FEM1A: variants seen among roughly 807,000 people sequenced by gnomAD.
FEM1A encodes fem-1 homolog A, also known as protein fem-1 homolog A.
Under a neutral mutation model 0.7 loss-of-function variants are expected in FEM1A, and 1 was observed. The observed-to-expected ratio is 1.35, with a 90% confidence interval of 0.48 to 6.40. The LOEUF (loss-of-function observed/expected upper bound fraction) is 6.40. Ranked by LOEUF, FEM1A falls within the 30% of genes most tolerant of loss-of-function variation. FEM1A has a pLI of 0.14. For missense variants in FEM1A, 721 were observed against 918.7 expected, an observed-to-expected ratio of 0.78 and a Z score of 2.78; for synonymous variants, 391 against 420.6, an observed-to-expected ratio of 0.93 and a Z score of 0.86.
rs998358285 is a variant in FEM1A at position 4,795,019 on chromosome 19, A to C, written c.*1155A>C. ...TGCTCCAAGGATTGAGACCCAAGTC[A>C]TCATGAAAAAGGCCCAAGTACAGTC... is the stretch of plus-strand genomic sequence containing the variant. On this transcript the variant is annotated 3_prime_UTR_variant, in exon 1 of 1. Coordinates refer to ENST00000269856, the MANE Select transcript of FEM1A (RefSeq NM_018708.3). 1.2e-5 allele frequency: 2 copies of C among 167,074 alleles called. No homozygotes were observed. The highest frequency in any genetic ancestry group is 4.8e-5 in the African/African-American group (2 of 41,452). The allele number at this position is 167,074 out of a possible 1,614,324, so 10.3% of individuals were successfully genotyped here. A position where few individuals can be genotyped will look rare whatever the true frequency, so the allele number is the denominator to read the frequency against.
Position 4,799,793 on chromosome 19 carries a change from T to C in FEM1A, c.*5929T>C, listed in dbSNP as rs1025786417. On this transcript the variant is annotated 3_prime_UTR_variant, in exon 1 of 1. Transcript: ENST00000269856. ...TCGTGGCAGGCGCCTGTAGTCCCAGTTACTCGGGAGGCTGAGGCAGGAGAG... is the reference window on the plus strand; with the variant it reads ...TCGTGGCAGGCGCCTGTAGTCCCAGCTACTCGGGAGGCTGAGGCAGGAGAG... 8 of 150,180 alleles carry C rather than the reference T, an allele frequency of 5.3e-5. No individual in the cohort carries two copies. Among genetic ancestry groups the C allele is most frequent in the Admixed American group, 4.7e-4 (7 of 15,004 alleles). The allele number at this position is 150,180 out of a possible 1,614,324, so 9.3% of individuals were successfully genotyped here.
At position 4,800,546 on chromosome 19, in the gene FEM1A, C is replaced by G. The variant is rs899546214; in HGVS notation, c.*6682C>G. ...AGCACTTTGAGGGTGTCAGTCACTG[C>G]TGCGTCCTCAGCACCCACGCCAGGG... On this transcript the variant is annotated 3_prime_UTR_variant, in exon 1 of 1. Transcript: ENST00000269856. 6.6e-6 allele frequency: 1 copy of G among 152,354 alleles called. No homozygotes were observed. Among genetic ancestry groups the G allele is most frequent in the Non-Finnish European group, 1.5e-5 (1 of 68,138 alleles). 9.4% of individuals were successfully genotyped at this position (152,354 alleles called of 1,614,324 possible).
rs761810690 is a variant in FEM1A, at chr19:4,797,770, C to CAAAAAA, written c.*3922_*3927dup. 1.3e-5 allele frequency: 1 copy of CAAAAAA among 76,476 alleles called. No homozygotes were observed. The highest frequency in any genetic ancestry group is 5.5e-5 in the African/African-American group (1 of 18,270). The allele number at this position is 76,476 out of a possible 1,614,324, so 4.7% of individuals were successfully genotyped here. ...GCAGCAAAGTGAGATCCTGTCTCTA[C>CAAAAAA]AAAAAAAAAAAAAAAAAAAAATTAG... On this transcript the variant is annotated 3_prime_UTR_variant, in exon 1 of 1. Transcript: ENST00000269856.
rs1281726175 is a variant in FEM1A, at chr19:4,798,090, G to C, written c.*4226G>C. ...TCTACTAAAAATACAAAAATTAGCC[G>C]GGTGTGGTGGCAGGTGCCTGTAGTC... On this transcript the variant is annotated 3_prime_UTR_variant, in exon 1 of 1. Transcript: ENST00000269856. 1 of 57,152 alleles carries C rather than the reference G, an allele frequency of 1.7e-5. No homozygotes were observed. The highest frequency in any genetic ancestry group is 3.6e-5 in the Non-Finnish European group (1 of 27,618). The allele number at this position is 57,152 out of a possible 1,614,324, so 3.5% of individuals were successfully genotyped here. A position where few individuals can be genotyped will look rare whatever the true frequency, so the allele number is the denominator to read the frequency against.
At position 4,793,258 on chromosome 19, in the gene FEM1A, C is replaced by T. The variant is rs377652178; in HGVS notation, c.1404C>T (p.Leu468=). 56 of 1,613,326 alleles carry T rather than the reference C, an allele frequency of 3.5e-5. No homozygotes were observed. Among genetic ancestry groups the T allele is most frequent in the Non-Finnish European group, 4.5e-5 (53 of 1,180,020 alleles). Residue 468 remains leucine (L), a synonymous_variant, in exon 1 of 1, where the codon CTC becomes CTT. Coordinates refer to ENST00000269856, the MANE Select transcript of FEM1A (RefSeq NM_018708.3). This position sits in a 1 kb window ranked among gnomAD's most constrained non-coding sequence, Gnocchi z 5.1. ...GCTTTGCAGACCTCATGGGGGTTCT[C>T]ACCAAAGGGGTCCGGGAAGTGGAAC... is the stretch of plus-strand genomic sequence containing the variant. The part of the protein sequence containing the change: ...QIGFADLMGV[L]TKGVREVERA...
Position 4,792,019 on chromosome 19 carries a change from C to T in FEM1A, c.165C>T (p.Asp55=). The change falls in exon 1 of 1, where the codon GAC becomes GAT. Residue 55 remains aspartate, a synonymous_variant. Transcript: ENST00000269856. This position sits in a 1 kb window ranked among gnomAD's most constrained non-coding sequence, Gnocchi z 6.7. ...TCGCCGCCCGCTACGGCCACCTGGACGTGGTGGAGTACCTGGTGGACCGGT... is the reference window on the plus strand; with the variant it reads ...TCGCCGCCCGCTACGGCCACCTGGATGTGGTGGAGTACCTGGTGGACCGGT... ...LLIAARYGHL[D]VVEYLVDRCG... 4 of 1,538,708 alleles carry T rather than the reference C, an allele frequency of 2.6e-6. No individual in the cohort carries two copies. The highest frequency in any genetic ancestry group is 3.5e-6 in the Non-Finnish European group (4 of 1,150,808).
Position 4,792,808 on chromosome 19 carries a change from C to T in FEM1A, c.954C>T (p.Ala318=), listed in dbSNP as rs745400673. 2.7e-5 allele frequency: 43 copies of T among 1,612,200 alleles called. 1 individual carries two copies. The South Asian group carries it at 3.2e-4, about 12-fold the overall frequency. The change falls in exon 1 of 1, where the codon GCC becomes GCT. Residue 318 remains alanine, a synonymous_variant. Coordinates refer to ENST00000269856, the MANE Select transcript of FEM1A (RefSeq NM_018708.3). This position sits in a 1 kb window ranked among gnomAD's most constrained non-coding sequence, Gnocchi z 6.7. ...YVDKKRDLLG[A]LKHWRRAMEL... is the part of the protein sequence containing the mutation. ...ATAAGAAACGAGATCTGCTTGGGGC[C>T]CTTAAACACTGGAGGCGGGCCATGG...
rs1252936653 is a variant in FEM1A at position 4,792,844 on chromosome 19, C to T, written c.990C>T (p.His330=). 3.7e-6 allele frequency: 6 copies of T among 1,612,058 alleles called. No individual in the cohort carries two copies. Among genetic ancestry groups the T allele is most frequent in the East Asian group, 4.5e-5 (2 of 44,892 alleles). Residue 330 remains histidine (H), a synonymous_variant, in exon 1 of 1, where the codon CAC becomes CAT. Transcript: ENST00000269856. This position sits in a 1 kb window ranked among gnomAD's most constrained non-coding sequence, Gnocchi z 6.7. ...KHWRRAMELR[H]QGGEYLPKPE... is the part of the protein sequence containing the mutation. Reference sequence around the variant, plus strand: ...GGAGGCGGGCCATGGAGCTGCGTCACCAGGGGGGCGAGTACCTGCCCAAAC... The same window carrying T: ...GGAGGCGGGCCATGGAGCTGCGTCATCAGGGGGGCGAGTACCTGCCCAAAC...
rs1177546909 is a variant in FEM1A, at chr19:4,800,565, G to A, written c.*6701G>A. ...TCACTGCTGCGTCCTCAGCACCCAC[G>A]CCAGGGTCTGTCCCACGCCAGGTGG... is the stretch of plus-strand genomic sequence containing the variant. On this transcript the variant is annotated 3_prime_UTR_variant, in exon 1 of 1. Transcript: ENST00000269856. 2 of 152,298 alleles carry A rather than the reference G, an allele frequency of 1.3e-5. No homozygotes were observed. Among genetic ancestry groups the A allele is most frequent in the Non-Finnish European group, 2.9e-5 (2 of 68,132 alleles). The allele number at this position is 152,298 out of a possible 1,614,324, so 9.4% of individuals were successfully genotyped here.
rs3034413 is a variant in FEM1A, at chr19:4,797,158, C to CTTTTTTTTTT, written c.*3310_*3319dup. On this transcript the variant is annotated 3_prime_UTR_variant, in exon 1 of 1. Transcript: ENST00000269856. ...ACGGCCCTCTTAAGATGAAGGTCAT[C>CTTTTTTTTTT]TTTTTTTTTTTTTTTTTTTTTTTTT... 1.4e-5 allele frequency: 1 copy of CTTTTTTTTTT among 73,356 alleles called. No individual in the cohort carries two copies. Among genetic ancestry groups the CTTTTTTTTTT allele is most frequent in the Non-Finnish European group, 2.4e-5 (1 of 40,996 alleles). 4.5% of individuals were successfully genotyped at this position (73,356 alleles called of 1,614,324 possible).
rs770524833 is a variant in FEM1A at position 4,792,657 on chromosome 19, A to G, written c.803A>G (p.Gln268Arg). The G allele has an allele frequency of 9.9e-6, 16 of 1,612,074 alleles. No homozygotes were observed. Among genetic ancestry groups the G allele is most frequent in the South Asian group, 3.3e-5 (3 of 91,000 alleles). ...ACCAGCCAGGGGTGTGCGCAGCCTC[A>G]GGGGGCTCCGTGCTGCAGCTCCTCC... ...PSTSQGCAQP[Q>R]GAPCCSSSPE... Residue 268 changes from glutamine to arginine, a missense_variant, in exon 1 of 1, where the codon CAG becomes CGG. Physicochemically the swap from Gln to Arg is conservative, Grantham distance 43. Coordinates refer to ENST00000269856, the MANE Select transcript of FEM1A (RefSeq NM_018708.3). The surrounding 1 kb of genome is among the most constrained non-coding windows in gnomAD (Gnocchi z 6.7).
Position 4,797,937 on chromosome 19 carries a change from C to CA in FEM1A, c.*4080dup, listed in dbSNP as rs1474456625. On this transcript the variant is annotated 3_prime_UTR_variant, in exon 1 of 1. Coordinates refer to ENST00000269856, the MANE Select transcript of FEM1A (RefSeq NM_018708.3). ...TGGGCAACAGAGTGAGACCCTGTTT[C>CA]AAAAAAACAAAGCAGGGCCGGGCGC... 3 of 151,658 alleles carry CA rather than the reference C, an allele frequency of 2.0e-5. No homozygotes were observed. The highest frequency in any genetic ancestry group is 2.0e-4 in the East Asian group (1 of 5,128). 9.4% of individuals were successfully genotyped at this position (151,658 alleles called of 1,614,324 possible).
rs1419436100 is a variant in FEM1A, at chr19:4,793,543, G to T, written c.1689G>T (p.Val563=). The change falls in exon 1 of 1, where the codon GTG becomes GTT. Residue 563 remains valine (V), a synonymous_variant. Coordinates refer to ENST00000269856, the MANE Select transcript of FEM1A (RefSeq NM_018708.3). The surrounding 1 kb of genome is among the most constrained non-coding windows in gnomAD (Gnocchi z 5.1). Reference sequence around the variant, plus strand: ...TGGGCAGATTCCCCTCCCTGCACGTGGTCAAAGTGCTGCTCGACTGCGGGG... The same window carrying T: ...TGGGCAGATTCCCCTCCCTGCACGTTGTCAAAGTGCTGCTCGACTGCGGGG... ...YPVGRFPSLH[V]VKVLLDCGAD... 4 of 1,613,054 alleles carry T rather than the reference G, an allele frequency of 2.5e-6. No homozygotes were observed. The South Asian group carries it at 4.4e-5, about 18-fold the overall frequency.
In FEM1A at chr19:4,793,544, G is replaced by C. The variant is rs759973806; in HGVS notation, c.1690G>C (p.Val564Leu). Residue 564 changes from valine (V) to leucine (L), a missense_variant, in exon 1 of 1, where the codon GTC becomes CTC. Around this residue, in one of 4 missense-constraint regions of FEM1A, gnomAD observed 379 missense variants for 454.8 expected, o/e 0.83. Transcript: ENST00000269856. The surrounding 1 kb of genome is among the most constrained non-coding windows in gnomAD (Gnocchi z 5.1). ...GGGCAGATTCCCCTCCCTGCACGTGGTCAAAGTGCTGCTCGACTGCGGGGC... is the reference window on the plus strand; with the variant it reads ...GGGCAGATTCCCCTCCCTGCACGTGCTCAAAGTGCTGCTCGACTGCGGGGC... ...PVGRFPSLHV[V>L]KVLLDCGADP... 1 of 1,613,074 alleles carries C rather than the reference G, an allele frequency of 6.2e-7. No individual in the cohort carries two copies. Among genetic ancestry groups the C allele is most frequent in the Non-Finnish European group, 8.5e-7 (1 of 1,179,850 alleles).
At position 4,791,806 on chromosome 19, in the gene FEM1A, T is replaced by A; in HGVS notation, c.-49T>A. The A allele has an allele frequency of 7.0e-7, 1 of 1,437,748 alleles. No homozygotes were observed. The allele number at this position is 1,437,748 out of a possible 1,614,324, so 89.1% of individuals were successfully genotyped here. A position where few individuals can be genotyped will look rare whatever the true frequency, so the allele number is the denominator to read the frequency against. ...CGCCCGTCCGGGCTCTGATCCTCCG[T>A]CTCCCCGTCCCCCGGCGGCCGGCCC... On this transcript the variant is annotated 5_prime_UTR_variant, in exon 1 of 1. Coordinates refer to ENST00000269856, the MANE Select transcript of FEM1A (RefSeq NM_018708.3).
In FEM1A at chr19:4,793,441, G is replaced by T. The variant is rs761432604; in HGVS notation, c.1587G>T (p.Ala529=). The T allele has an allele frequency of 1.9e-6, 3 of 1,612,296 alleles. No homozygotes were observed. Among genetic ancestry groups the T allele is most frequent in the South Asian group, 1.1e-5 (1 of 91,004 alleles). ...HQTVYRLLKC[A]PRGKNGFTPL... ...CCGTCTACCGCCTGCTCAAGTGCGC[G>T]CCCAGGGGCAAGAACGGCTTCACCC... The change falls in exon 1 of 1, where the codon GCG becomes GCT. Residue 529 remains alanine, a synonymous_variant. Coordinates refer to ENST00000269856, the MANE Select transcript of FEM1A (RefSeq NM_018708.3). The surrounding 1 kb of genome is among the most constrained non-coding windows in gnomAD (Gnocchi z 5.1).
In FEM1A at chr19:4,795,635, G is replaced by C. The variant is rs8111933; in HGVS notation, c.*1771G>C. On this transcript the variant is annotated 3_prime_UTR_variant, in exon 1 of 1. Transcript: ENST00000269856. ...GGGTGAGTCAGTCCATGGCATTGGTGTGAGTGAACAGAGAGCCCTAGGGCC... is the reference window on the plus strand; with the variant it reads ...GGGTGAGTCAGTCCATGGCATTGGTCTGAGTGAACAGAGAGCCCTAGGGCC... 109,918 of 165,824 alleles carry C rather than the reference G, an allele frequency of 0.66. 36,625 individuals carry two copies. The highest frequency in any genetic ancestry group is 0.7 in the African/African-American group (28,742 of 41,142). The allele number at this position is 165,824 out of a possible 1,614,324, so 10.3% of individuals were successfully genotyped here.
chr19:4,791,769 A>G lies in FEM1A; in HGVS notation c.-86A>G, dbSNP rs535580080. ...TAAGATGGCGGCGAGGGGGACGGTG[A>G]AGGTTGCCTCCCGCCCGTCCGGGCT... On this transcript the variant is annotated 5_prime_UTR_variant, in exon 1 of 1. Coordinates refer to ENST00000269856, the MANE Select transcript of FEM1A (RefSeq NM_018708.3). 7.6e-6 allele frequency: 10 copies of G among 1,316,364 alleles called. No individual in the cohort carries two copies. In the East Asian group the frequency reaches 2.6e-4, roughly 34 times the overall value. 81.5% of individuals were successfully genotyped at this position (1,316,364 alleles called of 1,614,324 possible).
rs1017662547 is a variant in FEM1A, at chr19:4,796,419, G to A, written c.*2555G>A. On this transcript the variant is annotated 3_prime_UTR_variant, in exon 1 of 1. Transcript: ENST00000269856. ...TTGGCCATGCTGGTCTCAAACTCCT[G>A]ACCTTGTGATCCACTCGCCTCGGCC... 3.9e-5 allele frequency: 6 copies of A among 152,150 alleles called. No individual in the cohort carries two copies. Among genetic ancestry groups the A allele is most frequent in the African/African-American group, 1.4e-4 (6 of 41,400 alleles). 9.4% of individuals were successfully genotyped at this position (152,150 alleles called of 1,614,324 possible). A position where few individuals can be genotyped will look rare whatever the true frequency, so the allele number is the denominator to read the frequency against.
Sources: allele counts gnomAD v4.1 joint callset, GRCh38; gene constraint gnomAD v4.1.1; regional missense constraint gnomAD v4.1.1; non-coding constraint Gnocchi (gnomAD v3.1); transcripts MANE v1.5; gene names NCBI Gene and HGNC (gene_info 2026-07-23, HGNC 2026-07-21).